Variants in GCH1 observed in about 807,000 individuals in gnomAD.
The protein encoded by GCH1 is GTP cyclohydrolase 1, also known as GTP cyclohydrolase I.
A neutral mutation model predicts 25.9 loss-of-function variants in GCH1; 5 were observed. The observed-to-expected ratio is 0.19, with a 90% confidence interval of 0.10 to 0.41. GCH1 has a LOEUF of 0.41. GCH1 is among the 10% of genes least tolerant of loss of function. GCH1 has a pLI of 1.00. For missense variants in GCH1, 261 were observed against 336.5 expected, an observed-to-expected ratio of 0.78 and a Z score of 1.75; for synonymous variants, 159 against 129.6, an observed-to-expected ratio of 1.23 and a Z score of -1.54.
chr14:54,880,901 C>T (rs1027797472), intron 1 of GCH1, among the ~76,000 whole-genome samples: 3 of 146,968 alleles, frequency 2.0e-5, no homozygotes, highest in East Asian at 2.0e-4. Context: ...CTCGGCTTAC[C>T]GCAACCTCCA....
chr14:54,870,122 C>T lies in GCH1; in HGVS notation c.344-4686G>A, dbSNP rs117209971. 7.2e-3 allele frequency among the ~76,000 whole-genome samples: 1,099 copies of T among 152,154 alleles called. 7 individuals carry two copies. The highest frequency in any genetic ancestry group is 0.013 in the Non-Finnish European group (854 of 68,002). ...GTATGGGTGGCTATATAACTGCATA[C>T]GTTTGTTAAAATTCACATTGTACAT... On this transcript the variant is annotated intron_variant, in intron 1 of 5. Coordinates refer to ENST00000491895, the MANE Select transcript of GCH1 (RefSeq NM_000161.3).
chr14:54,891,928 A>C (rs1398203479), intron 1 of GCH1, among the ~76,000 whole-genome samples: 1 of 152,214 alleles, frequency 6.6e-6, no homozygotes, highest in East Asian at 1.9e-4. Context: ...CAATGGCCCT[A>C]AACCACAAGA....
At position 54,880,863 on chromosome 14, in the gene GCH1, C is replaced by CATATATAT. The variant is rs1566677408; in HGVS notation, c.344-15428_344-15427insATATATAT. ...ATATATACTCCATATATATATACTC[C>CATATATAT]ATAATATATGGAGTGTAATGCTGCA... On this transcript the variant is annotated intron_variant, in intron 1 of 5. Transcript: ENST00000491895. Among the ~76,000 whole-genome samples the CATATATAT allele has an allele frequency of 3.5e-4, 30 of 86,406 alleles. 8 individuals are homozygous for CATATATAT. The highest frequency in any genetic ancestry group is 2.2e-3 in the African/African-American group (29 of 13,410). The allele number at this position is 86,406 out of a possible 152,430, so 56.7% of individuals were successfully genotyped here.
intron 1 of GCH1, among the ~76,000 whole-genome samples, chr14:54,897,027 T>C (rs1269455619): frequency 6.9e-6 from 1 of 144,310 alleles, no homozygotes; most frequent in Non-Finnish European, 1.5e-5. Flanking sequence ...TTTTTTTTTT[T>C]TGAGATGGAG....
chr14:54,859,291 G>A (rs1016971041), intron 3 of GCH1: 3 of 247,384 alleles, frequency 1.2e-5, no homozygotes, highest in African/African-American at 2.2e-5. Flanking sequence ...CAACAAGTTC[G>A]ACAGCAGAGC....
rs754292272 is a variant in GCH1 at position 54,845,869 on chromosome 14, GAGCTC to G, written c.542-22_542-18del. ...GCTCCTGAACTGTGGATGTGATAAGGAGCTCAGTTTGAGAGTCTGACACAAACAGC... is the reference window on the plus strand; with the variant it reads ...GCTCCTGAACTGTGGATGTGATAAGGAGTTTGAGAGTCTGACACAAACAGC... On this transcript the variant is annotated intron_variant, in intron 4 of 5. Coordinates refer to ENST00000491895, the MANE Select transcript of GCH1 (RefSeq NM_000161.3). 1 of 1,448,300 alleles carries G rather than the reference GAGCTC, an allele frequency of 6.9e-7. No homozygotes were observed. The highest frequency in any genetic ancestry group is 1.1e-5 in the South Asian group (1 of 87,768). 89.7% of individuals were successfully genotyped at this position (1,448,300 alleles called of 1,614,324 possible). A position where few individuals can be genotyped will look rare whatever the true frequency, so the allele number is the denominator to read the frequency against.
chr14:54,869,259 T>TAAA (rs2040034916), intron 1 of GCH1, among the ~76,000 whole-genome samples: 1 of 152,020 alleles, frequency 6.6e-6, no homozygotes, highest in Non-Finnish European at 1.5e-5. Flanking sequence ...CAGGCTGGTC[T>TAAA]CGAACTCCTG....
In GCH1 at chr14:54,844,056, T is replaced by C; in HGVS notation, c.714A>G (p.Pro238=). Residue 238 remains proline (P), a synonymous_variant, in exon 6 of 6, where the codon CCA becomes CCG. Transcript: ENST00000491895. The part of the protein sequence containing the change: ...STMLGVFRED[P]KTREEFLTLI... ...GAGTCAGGAACTCTTCCCGAGTCTT[T>C]GGATCCTCCCGGAACACACCCAACA... 1 of 1,614,156 alleles carries C rather than the reference T, an allele frequency of 6.2e-7. No individual in the cohort carries two copies. The highest frequency in any genetic ancestry group is 2.2e-5 in the East Asian group (1 of 44,884).
At chr14:54,872,557 T>G (rs2040096926) in intron 1 of GCH1, among the ~76,000 whole-genome samples, 1 of 152,286 alleles carries the variant, frequency 6.6e-6, no homozygotes, top group East Asian at 1.9e-4. Context: ...AATGGCAAAT[T>G]GGATAAAAAG....
At chr14:54,882,880 C>T (rs537728958) in intron 1 of GCH1, among the ~76,000 whole-genome samples, 4 of 152,290 alleles carry the variant, frequency 2.6e-5, no homozygotes, top group East Asian at 1.9e-4. Context: ...GATCTTCCTT[C>T]GCAACAGGGG....
At chr14:54,864,669 C>T (rs1457311778) in intron 2 of GCH1, among the ~76,000 whole-genome samples, 1 of 152,156 alleles carries the variant, frequency 6.6e-6, no homozygotes, top group African/African-American at 2.4e-5. Flanking sequence ...AGAGAATAGG[C>T]CAGCTGTTCA....
intron 1 of GCH1, among the ~76,000 whole-genome samples, chr14:54,871,403 CAG>C (rs1454930516): frequency 2.0e-5 from 3 of 152,166 alleles, no homozygotes; most frequent in Non-Finnish European, 4.4e-5. Context: ...AGGGAAAAAA[CAG>C]AGCAGAAAAA....
intron 1 of GCH1, among the ~76,000 whole-genome samples, chr14:54,893,781 C>CTG (rs1222859876): frequency 6.6e-6 from 1 of 152,182 alleles, no homozygotes; most frequent in African/African-American, 2.4e-5. Flanking sequence ...AGTAAGCCAT[C>CTG]AGCAGTATTT....
chr14:54,898,585 AC>A (rs1195605592), intron 1 of GCH1, among the ~76,000 whole-genome samples: 1 of 152,092 alleles, frequency 6.6e-6, no homozygotes, highest in African/African-American at 2.4e-5. Flanking sequence ...CTTGTTCTAT[AC>A]CTTTTTCTAT....
At position 54,902,811 on chromosome 14, in the gene GCH1, G is replaced by A; in HGVS notation, c.-148C>T. 9.1e-7 allele frequency: 1 copy of A among 1,096,008 alleles called. No individual in the cohort carries two copies. The highest frequency in any genetic ancestry group is 1.2e-6 in the Non-Finnish European group (1 of 854,428). 67.9% of individuals were successfully genotyped at this position (1,096,008 alleles called of 1,614,324 possible). On this transcript the variant is annotated 5_prime_UTR_variant, in exon 1 of 6. Transcript: ENST00000491895. ...CCTGCTTAGATCACACTCCGAGCCG[G>A]GAGCGGCCACAGGCTGGAAAGCCCG...
Position 54,855,505 on chromosome 14 carries a change from C to CAAAAAAAAAAAAAAAAAAAAAA in GCH1, c.509+4154_509+4175dup, listed in dbSNP as rs764999718. Among the ~76,000 whole-genome samples, 6 of 36,418 alleles carry CAAAAAAAAAAAAAAAAAAAAAA rather than the reference C, an allele frequency of 1.6e-4. 1 individual carries two copies. Among genetic ancestry groups the CAAAAAAAAAAAAAAAAAAAAAA allele is most frequent in the African/African-American group, 1.1e-3 (6 of 5,646 alleles). The allele number at this position is 36,418 out of a possible 152,430, so 23.9% of individuals were successfully genotyped here. A position where few individuals can be genotyped will look rare whatever the true frequency, so the allele number is the denominator to read the frequency against. ...TGGGCGACAGAGAAAGACCCTGTCT[C>CAAAAAAAAAAAAAAAAAAAAAA]AAAAAAAAAAAAAAAAAAAAAAAAG... On this transcript the variant is annotated intron_variant, in intron 3 of 5. Transcript: ENST00000491895.
chr14:54,889,011 G>A (rs2040391062), intron 1 of GCH1, among the ~76,000 whole-genome samples: 1 of 152,204 alleles, frequency 6.6e-6, no homozygotes, highest in Non-Finnish European at 1.5e-5. Context: ...AGAAAGAGAT[G>A]ACACCAAAAT....
chr14:54,899,899 T>G (rs1440299223), intron 1 of GCH1, among the ~76,000 whole-genome samples: 1 of 151,776 alleles, frequency 6.6e-6, no homozygotes, highest in Non-Finnish European at 1.5e-5. Context: ...AGTTTAGTTC[T>G]TGTTGCCCAG....
At chr14:54,902,009 A>C (rs1226203406) in intron 1 of GCH1, among the ~76,000 whole-genome samples, 1 of 152,012 alleles carries the variant, frequency 6.6e-6, no homozygotes, top group African/African-American at 2.4e-5. Context: ...CTCAGGCGAG[A>C]GGGCTCCGGG....
Sources: gnomAD v4.1 joint callset for allele counts (sites outside exome capture counted in the v4.1 genomes callset) on GRCh38, gnomAD v4.1.1 for gene constraint, MANE v1.5 for transcripts, NCBI Gene and HGNC (gene_info 2026-07-23, HGNC 2026-07-21) for gene names.